The following PDE1A variants were observed in gnomAD, a reference collection of about 807,000 sequenced individuals.
The protein encoded by PDE1A is phosphodiesterase 1A, also known as dual specificity calcium/calmodulin-dependent 3',5'-cyclic nucleotide phosphodiesterase 1A.
PDE1A carries 35 observed loss-of-function variants against 61.7 expected under a neutral mutation model. That is an observed-to-expected ratio of 0.57 (90% confidence interval 0.43 to 0.75). PDE1A has a LOEUF of 0.75. PDE1A is among the 30% of genes least tolerant of loss of function. The probability of loss-of-function intolerance (pLI) is 0.00; values close to 1 mark genes in which losing one functional copy is unlikely to be tolerated. For synonymous variants in PDE1A, 232 were observed against 213.2 expected, an observed-to-expected ratio of 1.09 and a Z score of -0.77; for missense variants, 597 against 630.6, an observed-to-expected ratio of 0.95 and a Z score of 0.57.
In PDE1A at chr2:182,185,977, T is replaced by G. The variant is rs761789488; in HGVS notation, c.1431A>C (p.Ala477=). 1.1e-5 allele frequency: 17 copies of G among 1,613,992 alleles called. No homozygotes were observed. In the African/African-American group the frequency reaches 2.3e-4, roughly 22 times the overall value. ...TCTTGAAACTCTTCAGGTCCACTGC[T>G]GCAAGGGAGTAGTCTGGGGAATAGG... The change falls in exon 13 of 14, where the codon GCA becomes GCC. Residue 477 remains alanine (A), a synonymous_variant. Coordinates refer to ENST00000351439, the Ensembl canonical transcript of PDE1A.
chr2:182,299,755 A>AG lies in PDE1A; in HGVS notation c.54-35342dup, dbSNP rs1695115878. On this transcript the variant is annotated intron_variant, in intron 1 of 13. Transcript: ENST00000351439. ...ATACTCATCAGAAAGAAGGATCAGA[A>AG]GCAGTTCAGATTCACATGATTGCAT... Among the ~76,000 whole-genome samples, 4 of 152,122 alleles carry AG rather than the reference A, an allele frequency of 2.6e-5. No homozygotes were observed. In the South Asian group the frequency reaches 8.3e-4, roughly 32 times the overall value.
chr2:182,686,940 G>A, the PDE1A span, among the ~76,000 whole-genome samples: 2 of 152,224 alleles, frequency 1.3e-5, no homozygotes, highest in South Asian at 2.1e-4. Context: ...TGCTAGCAAA[G>A]CAGTCTGAGA....
At chr2:182,657,238 A>T in the PDE1A span, among the ~76,000 whole-genome samples, 1 of 152,262 alleles carries the variant, frequency 6.6e-6, no homozygotes, top group Admixed American at 6.5e-5. Flanking sequence ...AACCCAAAAC[A>T]AACAACACAA....
At chr2:182,494,298 C>CAAAA (rs36076255) in intron 2 of PDE1A, among the ~76,000 whole-genome samples, 1,489 of 147,032 alleles carry the variant, frequency 0.01, 16 homozygotes, top group Middle Eastern at 0.028. Context: ...TTGGATTCTA[C>CAAAA]AAAAAAAAAA....
At chr2:182,568,090 CG>C in the PDE1A span, among the ~76,000 whole-genome samples, 1 of 152,022 alleles carries the variant, frequency 6.6e-6, no homozygotes, top group East Asian at 1.9e-4. Context: ...CAAGTCACTG[CG>C]CCCGCGCCCG....
intron 2 of PDE1A, among the ~76,000 whole-genome samples, chr2:182,249,083 C>T (rs898455358): frequency 2.0e-5 from 3 of 152,322 alleles, no homozygotes; most frequent in South Asian, 2.1e-4. Flanking sequence ...TGTGTGACAG[C>T]GCTGGGCCAG....
intron 1 of PDE1A, among the ~76,000 whole-genome samples, chr2:182,363,156 C>G (rs1699611868): frequency 6.6e-6 from 1 of 151,960 alleles, no homozygotes; most frequent in Admixed American, 6.6e-5. Context: ...TACAACAGAT[C>G]TCCATGACAC....
At chr2:182,595,687 A>G in the PDE1A span, among the ~76,000 whole-genome samples, 1 of 152,158 alleles carries the variant, frequency 6.6e-6, no homozygotes, top group Non-Finnish European at 1.5e-5. Context: ...ACAAATTGCT[A>G]TGGACTCACT....
At chr2:182,262,827 A>C (rs1692319804) in intron 2 of PDE1A, among the ~76,000 whole-genome samples, 1 of 152,220 alleles carries the variant, frequency 6.6e-6, no homozygotes, top group South Asian at 2.1e-4. Context: ...AGGATGAGGC[A>C]AAAATACAAA....
chr2:182,683,008 G>A, the PDE1A span, among the ~76,000 whole-genome samples: 1 of 151,906 alleles, frequency 6.6e-6, no homozygotes, highest in Admixed American at 6.6e-5. Context: ...ATAAGAAAAT[G>A]CAAATTTAGT....
chr2:182,332,786 TGCTGGGAGGTGCCTCCCAGTCAGG>T (rs1312519833), intron 1 of PDE1A, among the ~76,000 whole-genome samples: 1 of 152,042 alleles, frequency 6.6e-6, no homozygotes, highest in Non-Finnish European at 1.5e-5. Context: ...AGTTGACCCC[TGCTGGGAGGTGCCTCCCAGTCAGG>T]AGGCAAGGTG....
the PDE1A span, among the ~76,000 whole-genome samples, chr2:182,579,705 A>G: frequency 0.016 from 2,381 of 152,242 alleles, 40 homozygotes; most frequent in Non-Finnish European, 0.027. Flanking sequence ...CATACCTAGA[A>G]GCAAGTACAT....
chr2:182,356,226 C>G (rs1302473908), intron 1 of PDE1A, among the ~76,000 whole-genome samples: 1 of 152,012 alleles, frequency 6.6e-6, no homozygotes, highest in Non-Finnish European at 1.5e-5. Context: ...AGGAGGATCA[C>G]TTGAAACCAG....
At chr2:182,541,886 T>C in the PDE1A span, among the ~76,000 whole-genome samples, 2 of 152,110 alleles carry the variant, frequency 1.3e-5, no homozygotes, top group Non-Finnish European at 2.9e-5. Flanking sequence ...AATTCCAAAT[T>C]AACTATTGTA....
chr2:182,569,289 G>T, the PDE1A span, among the ~76,000 whole-genome samples: 1 of 137,600 alleles, frequency 7.3e-6, no homozygotes, highest in African/African-American at 2.8e-5. Flanking sequence ...ATTTCCTGTT[G>T]TAATAAAATA....
chr2:182,519,315 G>A (rs988358489), intron 2 of PDE1A, among the ~76,000 whole-genome samples: 3 of 152,008 alleles, frequency 2.0e-5, no homozygotes, highest in Non-Finnish European at 4.4e-5. Context: ...TGAAAGACCT[G>A]ATGCCATAGT....
chr2:182,507,802 T>C (rs1210758540), intron 2 of PDE1A, among the ~76,000 whole-genome samples: 1 of 152,182 alleles, frequency 6.6e-6, no homozygotes. Context: ...TTGTTCATAC[T>C]GCAACCAGTG....
At chr2:182,702,009 C>G in the PDE1A span, among the ~76,000 whole-genome samples, 1 of 152,078 alleles carries the variant, frequency 6.6e-6, no homozygotes, top group Non-Finnish European at 1.5e-5. Context: ...CTTAAAGAAA[C>G]CAATTTACAG....
chr2:182,689,165 G>T, the PDE1A span, among the ~76,000 whole-genome samples: 6 of 152,164 alleles, frequency 3.9e-5, no homozygotes, highest in Non-Finnish European at 7.3e-5. Context: ...ACTCAGGTCT[G>T]CACCAAGCAG....
Sources: gnomAD v4.1 joint callset for allele counts (sites outside exome capture counted in the v4.1 genomes callset) on GRCh38, gnomAD v4.1.1 for gene constraint, MANE v1.5 for transcripts, NCBI Gene and HGNC (gene_info 2026-07-23, HGNC 2026-07-21) for gene names.